LRRK1: variants seen among roughly 807,000 people sequenced by gnomAD.
LRRK1 encodes the protein leucine-rich repeat serine/threonine-protein kinase 1.
A neutral mutation model predicts 209.1 loss-of-function variants in LRRK1; 113 were observed. The observed-to-expected ratio is 0.54, with a 90% CI of 0.46 to 0.63. The LOEUF (loss-of-function observed/expected upper bound fraction) is 0.63. Ranked by LOEUF, LRRK1 falls within the 30% of genes least tolerant of loss-of-function variation. The pLI is 0.00. For missense variants in LRRK1, 2,284 were observed against 2,632.2 expected (o/e 0.87, Z 2.89); for synonymous variants, 1,144 against 1,099.7 (o/e 1.04, Z -0.80).
intron 2 of LRRK1, among the ~76,000 whole-genome samples, chr15:100,952,734 C>T (rs1023641125): frequency 6.6e-6 from 1 of 152,174 alleles, no homozygotes; most frequent in Non-Finnish European, 1.5e-5. Flanking sequence ...GGTACATCCA[C>T]GTTTTATCAC....
At position 101,021,074 on chromosome 15, in the gene LRRK1, C is replaced by A; in HGVS notation, c.1631C>A (p.Ala544Asp). Residue 544 changes from alanine to aspartate, a missense_variant, in exon 13 of 34, where the codon GCC becomes GAC. Physicochemically the swap from Ala to Asp is moderately radical, Grantham distance 126. Around this residue, in one of 6 missense-constraint regions of LRRK1, gnomAD observed 494 missense variants for 522.1 expected, o/e 0.95. Transcript: ENST00000388948. ...TEAASVLEFPAFLSESLEVLC... is the reference protein window; with the variant it reads ...TEAASVLEFPDFLSESLEVLC... Reference sequence around the variant, plus strand: ...GCAGCAAGTGTGCTGGAATTTCCGGCCTTCCTAAGTGAGTCTTTGGAAGTC... The same window carrying A: ...GCAGCAAGTGTGCTGGAATTTCCGGACTTCCTAAGTGAGTCTTTGGAAGTC... The A allele has an allele frequency of 6.2e-7, 1 of 1,614,130 alleles. No individual in the cohort carries two copies. The highest frequency in any genetic ancestry group is 8.5e-7 in the Non-Finnish European group (1 of 1,179,992).
At chr15:100,976,170 A>G (rs1465210100) in intron 3 of LRRK1, among the ~76,000 whole-genome samples, 1 of 150,396 alleles carries the variant, frequency 6.6e-6, no homozygotes, top group Non-Finnish European at 1.5e-5. Context: ...AAATAAATCA[A>G]TCATGTAAAA....
chr15:100,982,364 A>G (rs1235668965), intron 3 of LRRK1, among the ~76,000 whole-genome samples: 1 of 152,218 alleles, frequency 6.6e-6, no homozygotes, highest in Non-Finnish European at 1.5e-5. Context: ...CTATCTGAGC[A>G]TCCTTTTCTC....
chr15:100,996,867 T>A (rs1214593855), intron 6 of LRRK1, among the ~76,000 whole-genome samples: 1 of 152,160 alleles, frequency 6.6e-6, no homozygotes, highest in Non-Finnish European at 1.5e-5. Flanking sequence ...GAAAAACTAT[T>A]ATTTGAACTT....
At chr15:101,014,140 T>A (rs1437442528) in intron 10 of LRRK1, among the ~76,000 whole-genome samples, 176 bp from the exon 11 acceptor site, 1 of 152,168 alleles carries the variant, frequency 6.6e-6, no homozygotes, top group Admixed American at 6.5e-5. Context: ...CTGTTTGATA[T>A]CATTTCGTGA....
chr15:100,954,317 A>G (rs1373033740), intron 2 of LRRK1, among the ~76,000 whole-genome samples: 1 of 147,784 alleles, frequency 6.8e-6, no homozygotes, highest in African/African-American at 2.5e-5. Context: ...ATTTTTATTC[A>G]GGTCCTTTGC....
At chr15:101,062,186 A>C (rs1353270951) in intron 30 of LRRK1, among the ~76,000 whole-genome samples, 2 of 152,240 alleles carry the variant, frequency 1.3e-5, no homozygotes, top group African/African-American at 4.8e-5. Context: ...TGAGGAAAGC[A>C]AGGGCTCTGC....
intron 10 of LRRK1, among the ~76,000 whole-genome samples, 156 bp downstream of exon 10, chr15:101,012,301 G>A (rs1014057006): frequency 3.9e-5 from 6 of 152,168 alleles, no homozygotes; most frequent in South Asian, 2.1e-4. Flanking sequence ...GCATGGCCAC[G>A]AACAGCGATG....
intron 29 of LRRK1, among the ~76,000 whole-genome samples, chr15:101,060,028 AC>A (rs1458135515): frequency 6.6e-6 from 1 of 152,094 alleles, no homozygotes; most frequent in Admixed American, 6.5e-5. Context: ...GGCTCTGAAG[AC>A]TCATCCCAGA....
rs896560798 is a variant in LRRK1 at position 101,077,357 on chromosome 15, C to T, written c.*8509C>T. On this transcript the variant is annotated 3_prime_UTR_variant, in exon 34 of 34. Coordinates refer to ENST00000388948, the MANE Select transcript of LRRK1 (RefSeq NM_024652.6). ...CGTGCCCTGCTCTTGTTTACACTGC[C>T]AGTTTACACTGTTTCTCCAAGCCAT... 1.4e-4 allele frequency: 21 copies of T among 152,222 alleles called. No individual in the cohort carries two copies. The highest frequency in any genetic ancestry group is 4.8e-4 in the African/African-American group (20 of 41,458). 9.4% of individuals were successfully genotyped at this position (152,222 alleles called of 1,614,324 possible). A position where few individuals can be genotyped will look rare whatever the true frequency, so the allele number is the denominator to read the frequency against.
Position 101,066,703 on chromosome 15 carries a change from C to G in LRRK1, c.5832C>G (p.Val1944=). The G allele has an allele frequency of 6.2e-7, 1 of 1,614,178 alleles. No individual in the cohort carries two copies. The highest frequency in any genetic ancestry group is 8.5e-7 in the Non-Finnish European group (1 of 1,180,020). The change falls in exon 33 of 34, where the codon GTC becomes GTG. Residue 1944 remains valine, a synonymous_variant. Transcript: ENST00000388948. ...EKDSGAQRGR[V]IAVLKARELT... Reference sequence around the variant, plus strand: ...ATTCTGGCGCCCAGCGGGGCCGAGTCATTGCCGTCTTAAAAGCCCGAGAGC... The same window carrying G: ...ATTCTGGCGCCCAGCGGGGCCGAGTGATTGCCGTCTTAAAAGCCCGAGAGC...
chr15:100,957,782 T>C (rs534488869), intron 2 of LRRK1, among the ~76,000 whole-genome samples: 6 of 152,364 alleles, frequency 3.9e-5, no homozygotes, highest in Non-Finnish European at 7.3e-5. Context: ...GAAAAGTCAA[T>C]CCATTTATAT....
chr15:101,031,768 T>C (rs538265494), intron 20 of LRRK1, among the ~76,000 whole-genome samples: 36 of 151,398 alleles, frequency 2.4e-4, no homozygotes, highest in African/African-American at 8.0e-4. Flanking sequence ...GGAGTCTCGC[T>C]CTGTCGCCCA....
rs1224682777 is a variant in LRRK1 at position 100,919,662 on chromosome 15, C to G, written c.-123+211C>G. Among the ~76,000 whole-genome samples the G allele has an allele frequency of 6.6e-6, 1 of 151,432 alleles. No homozygotes were observed. Among genetic ancestry groups the G allele is most frequent in the African/African-American group, 2.4e-5 (1 of 41,320 alleles). On this transcript the variant is annotated intron_variant, in intron 1 of 33. Coordinates refer to ENST00000388948, the MANE Select transcript of LRRK1 (RefSeq NM_024652.6). This position sits in a 1 kb window ranked among gnomAD's most constrained non-coding sequence, Gnocchi z 5.8. ...GGCGCGGAGGGCGTGTGGGGCGACC[C>G]CGGTCTCACGTCCCCGCTGCCTCCC...
chr15:100,997,934 C>A (rs754933261), intron 6 of LRRK1, among the ~76,000 whole-genome samples: 1 of 152,132 alleles, frequency 6.6e-6, no homozygotes, highest in Non-Finnish European at 1.5e-5. Flanking sequence ...AATCCCAGCA[C>A]ATTGGGAGGC....
chr15:101,010,432 CCTT>C lies in LRRK1; in HGVS notation c.990-12_990-10del, dbSNP rs752116050. Reference sequence around the variant, plus strand: ...CCCTCTTTATTCTGATGCCTGCCTTCCTTCTTCTCCATCGCAGGCTACTTGAAA... The same window carrying C: ...CCCTCTTTATTCTGATGCCTGCCTTCCTTCTCCATCGCAGGCTACTTGAAA... On this transcript the variant is annotated splice_polypyrimidine_tract_variant and intron_variant, in intron 7 of 33. Transcript: ENST00000388948. The C allele has an allele frequency of 1.8e-5, 29 of 1,599,518 alleles. No homozygotes were observed. Among genetic ancestry groups the C allele is most frequent in the African/African-American group, 8.1e-5 (6 of 74,038 alleles).
At chr15:100,960,207 T>C (rs899464326) in intron 2 of LRRK1, among the ~76,000 whole-genome samples, 2 of 151,942 alleles carry the variant, frequency 1.3e-5, no homozygotes, top group African/African-American at 2.4e-5. Context: ...GGTCTGTGCA[T>C]TATAATTGTC....
rs978935714 is a variant in LRRK1 at position 101,024,417 on chromosome 15, G to A, written c.2068-386G>A. 2.0e-5 allele frequency among the ~76,000 whole-genome samples: 3 copies of A among 152,180 alleles called. No homozygotes were observed. Among genetic ancestry groups the A allele is most frequent in the African/African-American group, 7.2e-5 (3 of 41,462 alleles). ...ACCCTCTGAGCCCCACAAGTTCAGA[G>A]GCCCATCTCCTCCTCTTGCCCTGGC... On this transcript the variant is annotated intron_variant, in intron 15 of 33. Coordinates refer to ENST00000388948, the MANE Select transcript of LRRK1 (RefSeq NM_024652.6). This position sits in a 1 kb window ranked among gnomAD's most constrained non-coding sequence, Gnocchi z 4.6.
At position 101,064,557 on chromosome 15, in the gene LRRK1, G is replaced by A. The variant is rs529422646; in HGVS notation, c.4915-795G>A. ...CTCTGCCCGGTGACCTCTGGCGGGT[G>A]TAGAAGAGCTCATGCTTCATTGAGG... On this transcript the variant is annotated intron_variant, in intron 31 of 33. Coordinates refer to ENST00000388948, the MANE Select transcript of LRRK1 (RefSeq NM_024652.6). 5 of 151,756 alleles carry A rather than the reference G, an allele frequency of 3.3e-5. No individual in the cohort carries two copies. The South Asian group carries it at 8.3e-4, about 25-fold the overall frequency. 9.4% of individuals were successfully genotyped at this position (151,756 alleles called of 1,614,324 possible).
Sources: allele counts gnomAD v4.1 joint callset (sites outside exome capture counted in the v4.1 genomes callset), GRCh38; gene constraint gnomAD v4.1.1; regional missense constraint gnomAD v4.1.1; non-coding constraint Gnocchi (gnomAD v3.1); transcripts MANE v1.5; gene names NCBI Gene and HGNC (gene_info 2026-07-23, HGNC 2026-07-21).